The following FXR2 variants were observed in gnomAD, a reference collection of about 807,000 sequenced individuals.
FXR2 encodes RNA-binding protein FXR2.
FXR2 carries 9 observed loss-of-function variants against 87.3 expected under a neutral mutation model. The ratio of observed to expected loss-of-function variants is 0.10; its 90% CI spans 0.06 to 0.18. The LOEUF is 0.18. Among genes scored for constraint, FXR2 ranks in the 10% least tolerant of loss-of-function variants. The probability of loss-of-function intolerance (pLI) is 1.00; values close to 1 mark genes in which losing one functional copy is unlikely to be tolerated. For missense variants in FXR2, 661 were observed against 893.6 expected, an observed-to-expected ratio of 0.74 and a Z score of 3.32; for synonymous variants, 331 against 328.3, an observed-to-expected ratio of 1.01 and a Z score of -0.09.
Position 7,594,600 on chromosome 17 carries a change from A to C in FXR2, c.910+79T>G. On this transcript the variant is annotated intron_variant, in intron 9 of 16. Transcript: ENST00000250113. The surrounding 1 kb of genome is among the most constrained non-coding windows in gnomAD (Gnocchi z 5.1). ...AACTGGGAGTCCACAGGGAGGTGCC[A>C]ATCCTGGATAAAAGCTCAGAATCAC... 1.1e-6 allele frequency: 1 copy of C among 942,302 alleles called. No homozygotes were observed. Among genetic ancestry groups the C allele is most frequent in the East Asian group, 2.4e-5 (1 of 41,852 alleles). The allele number at this position is 942,302 out of a possible 1,614,324, so 58.4% of individuals were successfully genotyped here. A position where few individuals can be genotyped will look rare whatever the true frequency, so the allele number is the denominator to read the frequency against.
At position 7,593,455 on chromosome 17, in the gene FXR2, C is replaced by T. The variant is rs1597871182; in HGVS notation, c.1278G>A (p.Gly426=). Residue 426 remains glycine, a synonymous_variant, in exon 12 of 17, where the codon GGG becomes GGA. Coordinates refer to ENST00000250113, the MANE Select transcript of FXR2 (RefSeq NM_004860.4). This position sits in a 1 kb window ranked among gnomAD's most constrained non-coding sequence, Gnocchi z 6.1. ...CACGGCCACGGCCCCCATAGCTGCC[C>T]CCATAGGTTCGAGTCGCATGGAGGG... ...SSSLHATRTY[G]GSYGGRGRGR... 1.3e-6 allele frequency: 2 copies of T among 1,589,976 alleles called. No individual in the cohort carries two copies. The highest frequency in any genetic ancestry group is 1.7e-6 in the Non-Finnish European group (2 of 1,169,036).
intron 3 of FXR2, among the ~76,000 whole-genome samples, chr17:7,604,812 C>G (rs2071789944): frequency 6.7e-6 from 1 of 150,274 alleles, no homozygotes; most frequent in African/African-American, 2.4e-5. Flanking sequence ...ACCTCCACTT[C>G]CTGGGTTCAA....
rs550589527 is a variant in FXR2 at position 7,611,755 on chromosome 17, A to G, written c.81+2697T>C. Among the ~76,000 whole-genome samples the G allele has an allele frequency of 6.6e-5, 10 of 152,206 alleles. No homozygotes were observed. The East Asian group carries it at 1.9e-3, about 29-fold the overall frequency. On this transcript the variant is annotated intron_variant, in intron 1 of 16. Transcript: ENST00000250113. ...GAGAAAGGGACCTTCCCAAATGTAC[A>G]ATTCCAGAAGCAGTGTAAATACTCC... is the stretch of plus-strand genomic sequence containing the variant.
chr17:7,592,097 C>A lies in FXR2; in HGVS notation c.1926+157G>T. On this transcript the variant is annotated intron_variant, in intron 16 of 16. Transcript: ENST00000250113. The surrounding 1 kb of genome is among the most constrained non-coding windows in gnomAD (Gnocchi z 4.8). ...TGGGATCCAGAAAATGTGAACCACA[C>A]TTTCTTCTCTATCCTATTCAAAGTT... 6.8e-7 allele frequency: 1 copy of A among 1,462,500 alleles called. No individual in the cohort carries two copies. The highest frequency in any genetic ancestry group is 9.0e-7 in the Non-Finnish European group (1 of 1,105,864). 90.6% of individuals were successfully genotyped at this position (1,462,500 alleles called of 1,614,324 possible). A position where few individuals can be genotyped will look rare whatever the true frequency, so the allele number is the denominator to read the frequency against.
chr17:7,598,216 C>T (rs1192511508), intron 7 of FXR2, among the ~76,000 whole-genome samples: 1 of 151,866 alleles, frequency 6.6e-6, no homozygotes, highest in Non-Finnish European at 1.5e-5. Flanking sequence ...TTTGGGAGGC[C>T]GAGGTGGGTG....
In FXR2 at chr17:7,593,644, G is replaced by T. The variant is rs377328795; in HGVS notation, c.1108-19C>A. The T allele has an allele frequency of 1.3e-6, 2 of 1,499,924 alleles. No individual in the cohort carries two copies. The highest frequency in any genetic ancestry group is 1.4e-5 in the African/African-American group (1 of 72,540). The allele number at this position is 1,499,924 out of a possible 1,614,324, so 92.9% of individuals were successfully genotyped here. A position where few individuals can be genotyped will look rare whatever the true frequency, so the allele number is the denominator to read the frequency against. ...CTACCTCCTGGTTGGGTAAAAGATG[G>T]AAGAAGGGGAAGGAGAAATAAGATC... is the stretch of plus-strand genomic sequence containing the variant. On this transcript the variant is annotated intron_variant, in intron 11 of 16. Transcript: ENST00000250113. The surrounding 1 kb of genome is among the most constrained non-coding windows in gnomAD (Gnocchi z 6.1).
intron 6 of FXR2, 55 bp from the exon 7 acceptor site, chr17:7,601,580 G>C: frequency 1.0e-6 from 1 of 1,004,186 alleles, no homozygotes; most frequent in South Asian, 1.3e-5. Flanking sequence ...AAACACTAAG[G>C]GAGAGCCAGG....
chr17:7,594,380 ATTTT>A lies in FXR2; in HGVS notation c.911-37_911-34del. 7.4e-7 allele frequency: 1 copy of A among 1,356,470 alleles called. No individual in the cohort carries two copies. The highest frequency in any genetic ancestry group is 2.3e-5 in the East Asian group (1 of 43,510). The allele number at this position is 1,356,470 out of a possible 1,614,324, so 84.0% of individuals were successfully genotyped here. A position where few individuals can be genotyped will look rare whatever the true frequency, so the allele number is the denominator to read the frequency against. On this transcript the variant is annotated intron_variant, in intron 9 of 16. Transcript: ENST00000250113. This position sits in a 1 kb window ranked among gnomAD's most constrained non-coding sequence, Gnocchi z 5.1. ...AGGTAAATGAGGAATTCAGCCTTTT[ATTTT>A]TTTTAAGGAAATAAGAATAAAGCTG...
At chr17:7,598,305 A>T (rs1245582833) in intron 7 of FXR2, among the ~76,000 whole-genome samples, 1 of 152,018 alleles carries the variant, frequency 6.6e-6, no homozygotes, top group Non-Finnish European at 1.5e-5. Flanking sequence ...ATACAAAAAA[A>T]TCAGCCGGGC....
chr17:7,603,711 T>C (rs1166184736), intron 5 of FXR2, 46 bp downstream of exon 5: 4 of 1,591,402 alleles, frequency 2.5e-6, no homozygotes, highest in Middle Eastern at 1.8e-4. Flanking sequence ...AGCCAGAGAT[T>C]AGGGCTGTAA....
intron 1 of FXR2, among the ~76,000 whole-genome samples, chr17:7,611,301 G>A (rs2071862559): frequency 6.6e-6 from 1 of 152,084 alleles, no homozygotes; most frequent in Admixed American, 6.6e-5. Context: ...GAAAAAAAGA[G>A]TAAATTCTGA....
rs987228678 is a variant in FXR2 at position 7,594,417 on chromosome 17, G to A, written c.911-70C>T. 51 of 921,230 alleles carry A rather than the reference G, an allele frequency of 5.5e-5. No individual in the cohort carries two copies. The highest frequency in any genetic ancestry group is 1.5e-4 in the Admixed American group (7 of 46,890). The allele number at this position is 921,230 out of a possible 1,614,324, so 57.1% of individuals were successfully genotyped here. On this transcript the variant is annotated intron_variant, in intron 9 of 16. Coordinates refer to ENST00000250113, the MANE Select transcript of FXR2 (RefSeq NM_004860.4). The surrounding 1 kb of genome is among the most constrained non-coding windows in gnomAD (Gnocchi z 5.1). Reference sequence around the variant, plus strand: ...GAAATAAGAATAAAGCTGATACACCGTCTTCCAGCCTCATTTTCTTTATAT... The same window carrying A: ...GAAATAAGAATAAAGCTGATACACCATCTTCCAGCCTCATTTTCTTTATAT...
intron 1 of FXR2, among the ~76,000 whole-genome samples, chr17:7,609,864 CTA>C (rs1451635985): frequency 6.7e-6 from 1 of 148,524 alleles, no homozygotes. Context: ...CCCATTGCTA[CTA>C]TATATATATG....
chr17:7,597,086 A>C (rs1239467501), intron 7 of FXR2, among the ~76,000 whole-genome samples: 1 of 152,074 alleles, frequency 6.6e-6, no homozygotes, highest in Non-Finnish European at 1.5e-5. Flanking sequence ...GTGACAGAGC[A>C]AAACTCTGTC....
At chr17:7,613,876 T>A in intron 1 of FXR2, 1 of 358,858 alleles carries the variant, frequency 2.8e-6, no homozygotes, top group East Asian at 7.4e-5. Context: ...CAACCCAGGG[T>A]TCCTGAGGTC....
At chr17:7,612,725 G>A (rs940564223) in intron 1 of FXR2, among the ~76,000 whole-genome samples, 2 of 152,018 alleles carry the variant, frequency 1.3e-5, no homozygotes, top group African/African-American at 4.8e-5. Flanking sequence ...GGCCGGGCGC[G>A]GTGGCTCACG....
intron 3 of FXR2, among the ~76,000 whole-genome samples, chr17:7,604,684 T>G (rs79821307): frequency 6.7e-6 from 1 of 149,076 alleles, no homozygotes; most frequent in Non-Finnish European, 1.5e-5. Flanking sequence ...GAGTGAGACT[T>G]CATCTCAAAA....
chr17:7,598,327 C>A (rs573237638), intron 7 of FXR2, among the ~76,000 whole-genome samples: 5 of 152,052 alleles, frequency 3.3e-5, no homozygotes, highest in Non-Finnish European at 5.9e-5. Context: ...TGGTGGCAGG[C>A]GCCTGTAGTC....
Position 7,595,711 on chromosome 17 carries a change from G to T in FXR2, c.831+113C>A. Reference sequence around the variant, plus strand: ...GATCCTCTCACTTTGACCTCCGAAGGTGCTGGGATTACAGGTGTGAGCCAC... The same window carrying T: ...GATCCTCTCACTTTGACCTCCGAAGTTGCTGGGATTACAGGTGTGAGCCAC... On this transcript the variant is annotated intron_variant, in intron 8 of 16. Transcript: ENST00000250113. This position sits in a 1 kb window ranked among gnomAD's most constrained non-coding sequence, Gnocchi z 4.7. 1.6e-5 allele frequency: 12 copies of T among 767,292 alleles called. No individual in the cohort carries two copies. The South Asian group carries it at 2.0e-4, about 13-fold the overall frequency. The allele number at this position is 767,292 out of a possible 1,614,324, so 47.5% of individuals were successfully genotyped here.
Sources: gnomAD v4.1 joint callset for allele counts (sites outside exome capture counted in the v4.1 genomes callset) on GRCh38, gnomAD v4.1.1 for gene constraint, Gnocchi (gnomAD v3.1) non-coding constraint, MANE v1.5 for transcripts, NCBI Gene and HGNC (gene_info 2026-07-23, HGNC 2026-07-21) for gene names.